SUPT16H: variants seen among roughly 807,000 people sequenced by gnomAD.
SUPT16H encodes SPT16 homolog, facilitates chromatin remodeling subunit, also known as FACT complex subunit SPT16.
SUPT16H carries 24 observed loss-of-function variants against 136.2 expected under a neutral mutation model. The observed-to-expected ratio is 0.18, with a 90% CI of 0.13 to 0.25. The LOEUF (loss-of-function observed/expected upper bound fraction) is 0.25. Ranked by LOEUF, SUPT16H falls within the 10% of genes least tolerant of loss-of-function variation. The pLI is 1.00. For synonymous variants in SUPT16H, 415 were observed against 428.2 expected (o/e 0.97, Z 0.38); for missense variants, 623 against 1,270.2 (o/e 0.49, Z 7.74).
intron 3 of SUPT16H, among the ~76,000 whole-genome samples, chr14:21,371,275 G>GT (rs1294272168): frequency 3.3e-5 from 5 of 152,114 alleles, no homozygotes; most frequent in South Asian, 2.1e-4. Context: ...AAGTGCTGCC[G>GT]TAAGTTGACC....
intron 5 of SUPT16H, 51 bp from the exon 6 acceptor site, chr14:21,369,406 GGGGT>G: frequency 1.2e-6 from 2 of 1,607,596 alleles, no homozygotes; most frequent in South Asian, 1.1e-5. Flanking sequence ...GTAGCAAAGC[GGGGT>G]GTGTGGACAC....
intron 10 of SUPT16H, among the ~76,000 whole-genome samples, chr14:21,364,495 A>G (rs975716370): frequency 6.6e-6 from 1 of 152,228 alleles, no homozygotes; most frequent in African/African-American, 2.4e-5. Context: ...TAAATTGTAC[A>G]TATCAGGTGG....
intron 22 of SUPT16H, among the ~76,000 whole-genome samples, chr14:21,356,975 T>C (rs985773977): frequency 5.3e-5 from 8 of 152,206 alleles, no homozygotes; most frequent in Admixed American, 3.3e-4. Context: ...AGATTTTGAT[T>C]TTCTTTGTGT....
At chr14:21,382,662 G>A (rs1183556834) in intron 1 of SUPT16H, among the ~76,000 whole-genome samples, 2 of 74,604 alleles carry the variant, frequency 2.7e-5, no homozygotes, top group Admixed American at 1.4e-4. Flanking sequence ...CATCGATTAT[G>A]TTTGAATAAT....
intron 8 of SUPT16H, among the ~76,000 whole-genome samples, chr14:21,365,384 C>T (rs887759216): frequency 1.2e-4 from 18 of 152,250 alleles, no homozygotes; most frequent in Middle Eastern, 3.4e-3. Context: ...TTAATTTTAG[C>T]TTATTTGCCC....
At chr14:21,380,635 G>A in intron 1 of SUPT16H, among the ~76,000 whole-genome samples, 1 of 152,072 alleles carries the variant, frequency 6.6e-6, no homozygotes. Flanking sequence ...AATCCTGACA[G>A]TTGGTGTATG....
intron 8 of SUPT16H, among the ~76,000 whole-genome samples, chr14:21,365,930 C>A (rs1886656998): frequency 6.6e-6 from 1 of 152,068 alleles, no homozygotes; most frequent in Non-Finnish European, 1.5e-5. Flanking sequence ...TAGCGAGACC[C>A]TGTTTCTACA....
intron 1 of SUPT16H, among the ~76,000 whole-genome samples, chr14:21,377,875 C>T (rs1319084342): frequency 6.6e-6 from 1 of 152,182 alleles, no homozygotes; most frequent in Non-Finnish European, 1.5e-5. Context: ...CTGCCCACCT[C>T]GGCCTCCCAA....
At chr14:21,370,977 A>T (rs1886773879) in intron 3 of SUPT16H, among the ~76,000 whole-genome samples, 1 of 151,982 alleles carries the variant, frequency 6.6e-6, no homozygotes. Flanking sequence ...GGGTTTTGTT[A>T]TCTTGCCCAG....
chr14:21,377,613 G>C (rs559961391), intron 1 of SUPT16H, among the ~76,000 whole-genome samples: 1 of 92,888 alleles, frequency 1.1e-5, no homozygotes, highest in Non-Finnish European at 2.4e-5. Flanking sequence ...AGTGGAGCTA[G>C]TGGTGAGCTT....
Position 21,363,489 on chromosome 14 carries a change from A to T in SUPT16H, c.1248T>A (p.Thr416=). 6.2e-7 allele frequency: 1 copy of T among 1,613,466 alleles called. No individual in the cohort carries two copies. The highest frequency in any genetic ancestry group is 8.5e-7 in the Non-Finnish European group (1 of 1,179,880). The change falls in exon 11 of 26, where the codon ACT becomes ACA. Residue 416 remains threonine, a synonymous_variant. Transcript: ENST00000216297. ...CTTTCTTCTTCACAGAAGTGAGAACAGTAGCTGGGCCATCCTAGAATTAAA... is the reference window on the plus strand; with the variant it reads ...CTTTCTTCTTCACAGAAGTGAGAACTGTAGCTGGGCCATCCTAGAATTAAA... ...TVLVDEDGPA[T]VLTSVKKKVK...
chr14:21,372,480 G>A (rs1290992547), intron 2 of SUPT16H: 1 of 312,986 alleles, frequency 3.2e-6, no homozygotes, highest in Non-Finnish European at 6.3e-6. Context: ...TTCCTTTCAG[G>A]TAAGTATGGT....
chr14:21,365,165 T>C, intron 8 of SUPT16H, 22 bp from the exon 9 acceptor site: 3 of 1,605,946 alleles, frequency 1.9e-6, no homozygotes, highest in Non-Finnish European at 2.6e-6. Context: ...CAGATAAACA[T>C]CAGCAAAAGG....
intron 14 of SUPT16H, 59 bp from the exon 15 acceptor site, chr14:21,362,383 CAG>C: frequency 6.5e-7 from 1 of 1,540,284 alleles, no homozygotes; most frequent in Non-Finnish European, 8.8e-7. Flanking sequence ...TTAGTAGTTA[CAG>C]AGATGTTAAA....
intron 8 of SUPT16H, 104 bp downstream of exon 8, chr14:21,366,335 A>G: frequency 9.3e-7 from 1 of 1,080,078 alleles, no homozygotes; most frequent in Admixed American, 2.0e-5. Flanking sequence ...TTGCTAGTCC[A>G]TAAATGTTGG....
At chr14:21,354,014 CTATTATTATG>C (rs1347374135) in intron 23 of SUPT16H, among the ~76,000 whole-genome samples, 182 bp from the exon 24 acceptor site, 1 of 152,162 alleles carries the variant, frequency 6.6e-6, no homozygotes, top group Non-Finnish European at 1.5e-5. Context: ...TATTATTTTA[CTATTATTATG>C]TATTATTACA....
In SUPT16H at chr14:21,368,413, T is replaced by G. The variant is rs934106728; in HGVS notation, c.811A>C (p.Ile271Leu). ...SDKNHMHFGA[I>L]TCAMGIRFKS... ...AAGCGAATACCCATGGCACAAGTGATAGCCCCAAAGTGCATATGATTCTTG... is the reference window on the plus strand; with the variant it reads ...AAGCGAATACCCATGGCACAAGTGAGAGCCCCAAAGTGCATATGATTCTTG... Residue 271 changes from isoleucine (I) to leucine (L), a missense_variant, in exon 7 of 26, where the codon ATC becomes CTC. By Grantham distance (5) the Ile-to-Leu change is conservative. Transcript: ENST00000216297. 1.9e-6 allele frequency: 3 copies of G among 1,613,638 alleles called. No individual in the cohort carries two copies. The highest frequency in any genetic ancestry group is 2.5e-6 in the Non-Finnish European group (3 of 1,179,870).
Position 21,358,312 on chromosome 14 carries a change from T to C in SUPT16H, c.2414+3A>G. 6.3e-7 allele frequency: 1 copy of C among 1,586,312 alleles called. No individual in the cohort carries two copies. Among genetic ancestry groups the C allele is most frequent in the Non-Finnish European group, 8.6e-7 (1 of 1,162,692 alleles). On this transcript the variant is annotated splice_donor_region_variant and intron_variant, in intron 20 of 25. Coordinates refer to ENST00000216297, the MANE Select transcript of SUPT16H (RefSeq NM_007192.4). The stretch of plus-strand genomic sequence containing the variant: ...ACTTCAAGCCAAAAATAAGATAGGT[T>C]ACCCCAAGTCCCTAAAAGGCACTTC...
rs1886327248 is a variant in SUPT16H, at chr14:21,352,266, T to A, written c.*407A>T. The stretch of plus-strand genomic sequence containing the variant: ...ATGGCAGTAGGGTAGGTTGGAGGAT[T>A]GAATGTGCTGGTCAAGAACCATGAT... On this transcript the variant is annotated 3_prime_UTR_variant, in exon 26 of 26. Transcript: ENST00000216297. The A allele has an allele frequency of 2.6e-5, 5 of 192,294 alleles. No individual in the cohort carries two copies. The South Asian group carries it at 5.1e-4, about 20-fold the overall frequency. 11.9% of individuals were successfully genotyped at this position (192,294 alleles called of 1,614,324 possible). A position where few individuals can be genotyped will look rare whatever the true frequency, so the allele number is the denominator to read the frequency against.
Sources: gnomAD v4.1 joint callset for allele counts (sites outside exome capture counted in the v4.1 genomes callset) on GRCh38, gnomAD v4.1.1 for gene constraint, MANE v1.5 for transcripts, NCBI Gene and HGNC (gene_info 2026-07-23, HGNC 2026-07-21) for gene names.